Variants in PTPRJ observed in about 807,000 individuals in gnomAD.
The protein encoded by PTPRJ is protein tyrosine phosphatase receptor type J, also known as receptor-type tyrosine-protein phosphatase eta.
A neutral mutation model predicts 141.3 loss-of-function variants in PTPRJ; 129 were observed. The ratio of observed to expected loss-of-function variants is 0.91; its 90% CI spans 0.79 to 1.06. The LOEUF is 1.06. Ranked by LOEUF, PTPRJ falls within the 50% of genes least tolerant of loss-of-function variation. The pLI is 0.00. For synonymous variants in PTPRJ, 610 were observed against 640.5 expected (o/e 0.95, Z 0.72); for missense variants, 1,601 against 1,679.7 (o/e 0.95, Z 0.82).
Position 48,137,146 on chromosome 11 carries a change from G to C in PTPRJ, c.2017G>C (p.Val673Leu). 1 of 1,612,872 alleles carries C rather than the reference G, an allele frequency of 6.2e-7. No homozygotes were observed. Among genetic ancestry groups the C allele is most frequent in the Non-Finnish European group, 8.5e-7 (1 of 1,178,870 alleles). Residue 673 changes from valine (V) to leucine (L), a missense_variant, in exon 10 of 25, where the codon GTA (valine) becomes CTA (leucine). By Grantham distance (32) the Val-to-Leu change is conservative. Coordinates refer to ENST00000418331, the MANE Select transcript of PTPRJ (RefSeq NM_002843.4). ...TGGAAATTCCAGCAACGCAACACAA[G>C]TAGTCACGGACATTGGAATTACTGA... ...KAGNSSNATQ[V>L]VTDIGITDAT...
At position 48,149,449 on chromosome 11, in the gene PTPRJ, A is replaced by C. The variant is rs1857427153; in HGVS notation, c.3002A>C (p.Lys1001Thr). The C allele has an allele frequency of 6.6e-7, 1 of 1,516,798 alleles. No homozygotes were observed. Among genetic ancestry groups the C allele is most frequent in the Admixed American group, 1.9e-5 (1 of 53,916 alleles). The allele number at this position is 1,516,798 out of a possible 1,614,324, so 94.0% of individuals were successfully genotyped here. A position where few individuals can be genotyped will look rare whatever the true frequency, so the allele number is the denominator to read the frequency against. ...GGGTCTCTTTTCTCTTAAAACAGGA[A>C]AGATGCAAAGAATAATGAAGTGTCC... ...GGFIFWRKKR[K>T]DAKNNEVSFS... The change falls in exon 16 of 25, where the codon AAA becomes ACA. Residue 1001 changes from lysine to threonine, a missense_variant and splice_region_variant. Lys to Thr is a moderately conservative substitution (Grantham distance 78). Coordinates refer to ENST00000418331, the MANE Select transcript of PTPRJ (RefSeq NM_002843.4).
intron 8 of PTPRJ, among the ~76,000 whole-genome samples, chr11:48,134,511 C>T (rs1857043480): frequency 1.3e-5 from 2 of 152,052 alleles, no homozygotes; most frequent in Admixed American, 1.3e-4. Flanking sequence ...CCAGTGGCTT[C>T]TCTGTAAGGA....
At chr11:48,064,689 C>T (rs1019120076) in intron 1 of PTPRJ, among the ~76,000 whole-genome samples, 7 of 151,948 alleles carry the variant, frequency 4.6e-5, no homozygotes, top group Non-Finnish European at 7.4e-5. Context: ...CTGCAACCAC[C>T]GCCTCCTGGG....
chr11:47,982,077 A>G (rs181169549), intron 1 of PTPRJ, among the ~76,000 whole-genome samples: 2 of 152,330 alleles, frequency 1.3e-5, no homozygotes, highest in East Asian at 1.9e-4. Context: ...TACAGGAGAG[A>G]GCAGAAGCAT....
intron 10 of PTPRJ, 69 bp from the exon 11 acceptor site, chr11:48,139,417 A>C (rs1333284829): frequency 6.6e-7 from 1 of 1,522,516 alleles, no homozygotes; most frequent in Non-Finnish European, 9.0e-7. Flanking sequence ...GGATTCTGCT[A>C]CTCCCTATTT....
At chr11:48,072,162 C>T (rs557440615) in intron 1 of PTPRJ, among the ~76,000 whole-genome samples, 3 of 152,262 alleles carry the variant, frequency 2.0e-5, no homozygotes, top group Admixed American at 1.3e-4. Flanking sequence ...ACCTCATCCT[C>T]CCAAACTGCT....
chr11:48,146,940 C>G lies in PTPRJ; in HGVS notation c.2976C>G (p.Gly992=), dbSNP rs770370355. Reference sequence around the variant, plus strand: ...CCCTGGTTATTGTGACTGTGGGAGGCTTCATCTTCTGGAGAAAGAAGAGGT... The same window carrying G: ...CCCTGGTTATTGTGACTGTGGGAGGGTTCATCTTCTGGAGAAAGAAGAGGT... ...FGALVIVTVG[G]FIFWRKKRKD... The change falls in exon 15 of 25, where the codon GGC becomes GGG. Residue 992 remains glycine, a synonymous_variant. Transcript: ENST00000418331. 3 of 1,613,962 alleles carry G rather than the reference C, an allele frequency of 1.9e-6. No homozygotes were observed. Among genetic ancestry groups the G allele is most frequent in the Non-Finnish European group, 2.5e-6 (3 of 1,179,954 alleles).
chr11:47,985,259 C>T (rs1022073359), intron 1 of PTPRJ, among the ~76,000 whole-genome samples: 8 of 152,052 alleles, frequency 5.3e-5, no homozygotes, highest in Admixed American at 1.3e-4. Flanking sequence ...GGGCTCCTCT[C>T]GTTTTAGCCT....
At position 48,167,537 on chromosome 11, in the gene PTPRJ, C is replaced by T. The variant is rs1045940335; in HGVS notation, c.*175C>T. The T allele has an allele frequency of 1.5e-5, 10 of 651,012 alleles. No homozygotes were observed. Among genetic ancestry groups the T allele is most frequent in the Non-Finnish European group, 2.1e-5 (9 of 423,834 alleles). The allele number at this position is 651,012 out of a possible 1,614,324, so 40.3% of individuals were successfully genotyped here. A position where few individuals can be genotyped will look rare whatever the true frequency, so the allele number is the denominator to read the frequency against. On this transcript the variant is annotated 3_prime_UTR_variant, in exon 25 of 25. Transcript: ENST00000418331. ...ATGATAGATGACAAATTGGGGCTGT[C>T]GGGGGCTGTGGATGGGTGGGGAGCA...
chr11:48,143,146 A>G, intron 12 of PTPRJ, 96 bp downstream of exon 12: 1 of 1,467,964 alleles, frequency 6.8e-7, no homozygotes, highest in African/African-American at 1.4e-5. Context: ...ATGCAGACAC[A>G]CGCCTGTCTT....
rs1857978292 is a variant in PTPRJ, at chr11:48,168,564, A to ATG, written c.*1203_*1204insGT. 1 of 124,816 alleles carries ATG rather than the reference A, an allele frequency of 8.0e-6. No individual in the cohort carries two copies. Among genetic ancestry groups the ATG allele is most frequent in the Non-Finnish European group, 1.7e-5 (1 of 57,916 alleles). The allele number at this position is 124,816 out of a possible 1,614,324, so 7.7% of individuals were successfully genotyped here. On this transcript the variant is annotated 3_prime_UTR_variant, in exon 25 of 25. Transcript: ENST00000418331. ...TATATATATATATATATATATATAT[A>ATG]TATATATATATATATATACACTAAG...
intron 1 of PTPRJ, among the ~76,000 whole-genome samples, chr11:48,035,082 T>C (rs1282400533): frequency 6.6e-6 from 1 of 152,228 alleles, no homozygotes; most frequent in Non-Finnish European, 1.5e-5. Flanking sequence ...TCCAAGGCTG[T>C]CACATGTTCC....
At chr11:48,088,007 T>C (rs184544992) in intron 1 of PTPRJ, among the ~76,000 whole-genome samples, 1 of 152,332 alleles carries the variant, frequency 6.6e-6, no homozygotes, top group East Asian at 1.9e-4. Flanking sequence ...TCTCTCTTGG[T>C]GATCTCTCTC....
At position 47,980,887 on chromosome 11, in the gene PTPRJ, G is replaced by A; in HGVS notation, c.-26G>A. On this transcript the variant is annotated 5_prime_UTR_variant, in exon 1 of 25. Transcript: ENST00000418331. ...ACGGCGGGGCCCGATTCGCGCGTCC[G>A]GGGCACGTTCCAGGGCGCGCGGGGC... The A allele has an allele frequency of 6.2e-6, 7 of 1,129,170 alleles. No individual in the cohort carries two copies. Among genetic ancestry groups the A allele is most frequent in the Non-Finnish European group, 7.6e-6 (7 of 923,156 alleles). 69.9% of individuals were successfully genotyped at this position (1,129,170 alleles called of 1,614,324 possible).
intron 3 of PTPRJ, among the ~76,000 whole-genome samples, chr11:48,118,804 C>A (rs998220280): frequency 6.6e-6 from 1 of 151,976 alleles, no homozygotes; most frequent in African/African-American, 2.4e-5. Flanking sequence ...AAAACCTTCC[C>A]AGAATCCCTG....
intron 4 of PTPRJ, 70 bp downstream of exon 4, chr11:48,121,336 G>A (rs17789571): frequency 0.041 from 61,163 of 1,494,614 alleles, 1,462 homozygotes; most frequent in Non-Finnish European, 0.047. Flanking sequence ...GGCCTTGTCC[G>A]TTCAAGTTGC....
intron 1 of PTPRJ, among the ~76,000 whole-genome samples, chr11:47,993,047 CAG>C (rs1854237850): frequency 1.3e-5 from 2 of 152,092 alleles, no homozygotes; most frequent in African/African-American, 4.8e-5. Context: ...TATGCATTGT[CAG>C]TGTCTCTATG....
rs555207493 is a variant in PTPRJ, at chr11:48,167,125, C to A, written c.3856-79C>A. The A allele has an allele frequency of 4.3e-6, 6 of 1,384,120 alleles. No homozygotes were observed. In the Admixed American group the frequency reaches 1.1e-4, roughly 25 times the overall value. The allele number at this position is 1,384,120 out of a possible 1,614,324, so 85.7% of individuals were successfully genotyped here. A position where few individuals can be genotyped will look rare whatever the true frequency, so the allele number is the denominator to read the frequency against. ...GTTTGGGAGTTGGGCGGGGGAATGA[C>A]CTGTTTGAAAATAATTTTGGGTGCT... On this transcript the variant is annotated intron_variant, in intron 24 of 24. Transcript: ENST00000418331.
chr11:48,061,807 A>G (rs906792709), intron 1 of PTPRJ, among the ~76,000 whole-genome samples: 2 of 152,082 alleles, frequency 1.3e-5, no homozygotes, highest in Admixed American at 6.6e-5. Flanking sequence ...TTATGTTCAC[A>G]CAACAACTCC....
Sources: allele counts gnomAD v4.1 joint callset (sites outside exome capture counted in the v4.1 genomes callset), GRCh38; gene constraint gnomAD v4.1.1; transcripts MANE v1.5; gene names NCBI Gene and HGNC (gene_info 2026-07-23, HGNC 2026-07-21).